Variants in DDX24 observed in about 807,000 individuals in gnomAD.
DDX24 encodes the protein DEAD-box helicase 24.
Under a neutral mutation model 68.9 loss-of-function variants are expected in DDX24, and 24 were observed. The observed-to-expected ratio is 0.35, with a 90% confidence interval of 0.25 to 0.49. The LOEUF (loss-of-function observed/expected upper bound fraction) is 0.49. Ranked by LOEUF, DDX24 falls within the 20% of genes least tolerant of loss-of-function variation. The pLI, the probability that DDX24 is intolerant of heterozygous loss-of-function variation, is 0.99. For missense variants in DDX24, 989 were observed against 1,039.0 expected (o/e 0.95, Z 0.66); for synonymous variants, 395 against 385.2 (o/e 1.03, Z -0.30).
In DDX24 at chr14:94,060,533, T is replaced by C. The variant is rs61737408; in HGVS notation, c.1478A>G (p.Asn493Ser). 1,810 of 1,614,210 alleles carry C rather than the reference T, an allele frequency of 1.1e-3. 12 individuals are homozygous for C. In the African/African-American group the frequency reaches 0.018, roughly 16 times the overall value. Residue 493 changes from asparagine to serine, a missense_variant, in exon 5 of 9, where the codon AAT becomes AGT. Asn to Ser is a conservative substitution (Grantham distance 46). Transcript: ENST00000621632. ...TCTCTTTGGGTTGTATTGGGAGTCATTGAGCATCTCTAGCAGCTGTGAGAG... is the reference window on the plus strand; with the variant it reads ...TCTCTTTGGGTTGTATTGGGAGTCACTGAGCATCTCTAGCAGCTGTGAGAG... ...AELSQLLEML[N>S]DSQYNPKRQT...
Position 94,050,901 on chromosome 14 carries a change from AAAT to A in DDX24, c.*287_*289del. 1 of 343,516 alleles carries A rather than the reference AAAT, an allele frequency of 2.9e-6. No individual in the cohort carries two copies. The highest frequency in any genetic ancestry group is 5.2e-6 in the Non-Finnish European group (1 of 192,694). 21.3% of individuals were successfully genotyped at this position (343,516 alleles called of 1,614,324 possible). The stretch of plus-strand genomic sequence containing the variant: ...TCTTCTATCTAAAAAAAAAAAAAAA[AAAT>A]CAGGATGACACAATGGCTCTGACCA... On this transcript the variant is annotated 3_prime_UTR_variant, in exon 9 of 9. Transcript: ENST00000621632.
chr14:94,079,296 T>G lies in DDX24; in HGVS notation c.447A>C (p.Gln149His), dbSNP rs769756834. The G allele has an allele frequency of 2.5e-6, 4 of 1,614,066 alleles. No individual in the cohort carries two copies. The highest frequency in any genetic ancestry group is 3.4e-6 in the Non-Finnish European group (4 of 1,180,050). Reference sequence around the variant, plus strand: ...TATTTTTCTTCTTTTTTGGAGCAGTTTGGACCAGGTTTTCTGATGTCATCT... The same window carrying G: ...TATTTTTCTTCTTTTTTGGAGCAGTGTGGACCAGGTTTTCTGATGTCATCT... ...AGEMTSENLV[Q>H]TAPKKKKNKG... Residue 149 changes from glutamine to histidine, a missense_variant, in exon 2 of 9, where the codon CAA becomes CAC. Physicochemically the swap from Gln to His is conservative, Grantham distance 24 (BLOSUM62 0). Transcript: ENST00000621632.
intron 2 of DDX24, among the ~76,000 whole-genome samples, chr14:94,063,330 T>C (rs12882813): frequency 0.53 from 80,928 of 151,902 alleles, 23,563 homozygotes; most frequent in African/African-American, 0.79. Flanking sequence ...ATGAAACTTT[T>C]GATAAGAAGA....
chr14:94,057,947 A>G (rs1278332975), intron 5 of DDX24, 50 bp from the exon 6 acceptor site: 1 of 1,569,792 alleles, frequency 6.4e-7, no homozygotes, highest in South Asian at 1.1e-5. Context: ...GCTATCTTTA[A>G]TCAAATTCTT....
chr14:94,078,918 T>G, intron 2 of DDX24, 107 bp downstream of exon 2: 1 of 1,245,114 alleles, frequency 8.0e-7, no homozygotes, highest in Non-Finnish European at 1.1e-6. Flanking sequence ...CAGCGTTGCT[T>G]TTGTGGTTAT....
chr14:94,071,362 T>C (rs974006466), intron 2 of DDX24, among the ~76,000 whole-genome samples: 8 of 152,152 alleles, frequency 5.3e-5, no homozygotes, highest in African/African-American at 1.7e-4. Context: ...ACAGTAGATG[T>C]TGGCAGCCAG....
chr14:94,079,775 G>C, intron 1 of DDX24, 28 bp from the exon 2 acceptor site: 1 of 1,592,322 alleles, frequency 6.3e-7, no homozygotes. Context: ...GTTCTATTAG[G>C]TTGGTGTCTG....
chr14:94,072,586 T>A (rs111546662), intron 2 of DDX24, among the ~76,000 whole-genome samples: 1 of 152,168 alleles, frequency 6.6e-6, no homozygotes, highest in South Asian at 2.1e-4. Context: ...TCCCAACACT[T>A]TGGGAGGCCG....
chr14:94,054,415 C>T (rs944887002), intron 7 of DDX24, among the ~76,000 whole-genome samples: 1 of 152,194 alleles, frequency 6.6e-6, no homozygotes, highest in Non-Finnish European at 1.5e-5. Context: ...CAGCAGGAAG[C>T]TGGGATAGAA....
Position 94,055,145 on chromosome 14 carries a change from G to A in DDX24, c.2029C>T (p.Arg677Ter). The A allele has an allele frequency of 6.2e-7, 1 of 1,614,066 alleles. No individual in the cohort carries two copies. Among genetic ancestry groups the A allele is most frequent in the Non-Finnish European group, 8.5e-7 (1 of 1,179,972 alleles). ...TSEIYVHRSG[R>*]TARATNEGLS... ...CCTTCATTGGTAGCTCGAGCAGTTC[G>A]ACCACTTCGGTGGACATAAATCTCC... The change falls in exon 7 of 9, where the codon CGA (arginine) becomes TGA (stop). Residue 677 changes from arginine to a stop codon, truncating the protein, a stop_gained. Transcript: ENST00000621632. LOFTEE classifies it high-confidence loss of function.
At chr14:94,053,541 A>G (rs1885434425) in intron 7 of DDX24, among the ~76,000 whole-genome samples, 1 of 150,602 alleles carries the variant, frequency 6.6e-6, no homozygotes, top group Non-Finnish European at 1.5e-5. Context: ...TGAGCCGGGC[A>G]TGGTGGCTCA....
chr14:94,079,332 C>T lies in DDX24; in HGVS notation c.411G>A (p.Pro137=), dbSNP rs754193777. The part of the protein sequence containing the change: ...AQGDDMVCDD[P]EAGEMTSENL... ...TTTCTGATGTCATCTCCCCAGCCTC[C>T]GGATCATCACAAACCATGTCATCTC... is the stretch of plus-strand genomic sequence containing the variant. Residue 137 remains proline, a synonymous_variant, in exon 2 of 9, where the codon CCG becomes CCA. Transcript: ENST00000621632. 102 of 1,613,988 alleles carry T rather than the reference C, an allele frequency of 6.3e-5. No individual in the cohort carries two copies. The highest frequency in any genetic ancestry group is 7.5e-5 in the Non-Finnish European group (89 of 1,180,040).
intron 2 of DDX24, among the ~76,000 whole-genome samples, chr14:94,071,605 G>T (rs1329996744): frequency 1.3e-5 from 2 of 152,040 alleles, no homozygotes; most frequent in Non-Finnish European, 2.9e-5. Context: ...AGCCAAGATT[G>T]TGCCACTGCA....
At position 94,079,362 on chromosome 14, in the gene DDX24, G is replaced by C. The variant is rs769663204; in HGVS notation, c.381C>G (p.Ala127=). 1 of 1,613,852 alleles carries C rather than the reference G, an allele frequency of 6.2e-7. No homozygotes were observed. Among genetic ancestry groups the C allele is most frequent in the Admixed American group, 1.7e-5 (1 of 59,980 alleles). ...EFEVKDPELE[A]QGDDMVCDDP... is the part of the protein sequence containing the mutation. ...CATCACAAACCATGTCATCTCCCTG[G>C]GCCTCCAGCTCAGGATCTTTCACTT... The change falls in exon 2 of 9, where the codon GCC becomes GCG. Residue 127 remains alanine, a synonymous_variant. Coordinates refer to ENST00000621632, the MANE Select transcript of DDX24 (RefSeq NM_020414.4).
At chr14:94,076,723 T>C (rs975143855) in intron 2 of DDX24, among the ~76,000 whole-genome samples, 1 of 148,840 alleles carries the variant, frequency 6.7e-6, no homozygotes, top group Non-Finnish European at 1.5e-5. Context: ...CAAATTAATC[T>C]ATAGTGATAG....
Position 94,048,411 on chromosome 14 carries a change from C to CA in DDX24, c.*2779dup, listed in dbSNP as rs1289848028. ...TTTGACTGGGTTCCTATTTTAAGCA[C>CA]AAATGAGAGCTCTGGAGCCAGAATG... On this transcript the variant is annotated 3_prime_UTR_variant, in exon 9 of 9. Transcript: ENST00000621632. 1 of 152,178 alleles carries CA rather than the reference C, an allele frequency of 6.6e-6. No homozygotes were observed. The highest frequency in any genetic ancestry group is 2.4e-5 in the African/African-American group (1 of 41,440). The allele number at this position is 152,178 out of a possible 1,614,324, so 9.4% of individuals were successfully genotyped here. A position where few individuals can be genotyped will look rare whatever the true frequency, so the allele number is the denominator to read the frequency against.
chr14:94,060,658 A>T, intron 4 of DDX24, 45 bp from the exon 5 acceptor site: 2 of 1,592,316 alleles, frequency 1.3e-6, no homozygotes, highest in Middle Eastern at 1.7e-4. Context: ...CAGCGGGTTA[A>T]GAGGAATCAT....
intron 6 of DDX24, chr14:94,057,316 A>C (rs958111050): frequency 6.5e-6 from 1 of 152,708 alleles, no homozygotes; most frequent in Admixed American, 6.5e-5. Flanking sequence ...AAGTGCTTGC[A>C]ATGTGCCAGG....
intron 6 of DDX24, chr14:94,056,137 A>G (rs10142741): frequency 6.6e-6 from 1 of 152,106 alleles, no homozygotes; most frequent in African/African-American, 2.4e-5. Context: ...CTCCTTCCCC[A>G]AAAAAGGGAA....
Sources: allele counts gnomAD v4.1 joint callset (sites outside exome capture counted in the v4.1 genomes callset), GRCh38; gene constraint gnomAD v4.1.1; transcripts MANE v1.5; gene names NCBI Gene and HGNC (gene_info 2026-07-23, HGNC 2026-07-21).